The following EXT1 variants were observed in gnomAD, a reference collection of about 807,000 sequenced individuals.
EXT1 encodes exostosin-1.
In EXT1, 20 loss-of-function variants were observed where a neutral mutation model predicts 82.5. The observed-to-expected ratio is 0.24, with a 90% CI of 0.17 to 0.35. EXT1 has a LOEUF of 0.35. Ranked by LOEUF, EXT1 falls within the 10% of genes least tolerant of loss-of-function variation. The pLI is 1.00. For synonymous variants in EXT1, 348 were observed against 350.8 expected, an observed-to-expected ratio of 0.99 and a Z score of 0.09; for missense variants, 757 against 936.5, an observed-to-expected ratio of 0.81 and a Z score of 2.50.
chr8:117,899,890 A>G (rs543686220), intron 1 of EXT1, among the ~76,000 whole-genome samples: 4 of 152,318 alleles, frequency 2.6e-5, no homozygotes, highest in South Asian at 2.1e-4. Flanking sequence ...CCGTGTGCTC[A>G]TAAGAGTGGA....
In EXT1 at chr8:117,913,082, G is replaced by GGT. The variant is rs537703628; in HGVS notation, c.963-75883_963-75882dup. Among the ~76,000 whole-genome samples, 931 of 152,192 alleles carry GGT rather than the reference G, an allele frequency of 6.1e-3. 3 individuals carry two copies. The highest frequency in any genetic ancestry group is 0.01 in the African/African-American group (430 of 41,534). The stretch of plus-strand genomic sequence containing the variant: ...CTAATAAAAATACAAAAATTAGCTG[G>GGT]GTGGTCGCGTGTACCTGTAATTTCA... On this transcript the variant is annotated intron_variant, in intron 1 of 10. Transcript: ENST00000378204.
chr8:117,814,394 T>C (rs982335324), intron 7 of EXT1, among the ~76,000 whole-genome samples: 5 of 152,140 alleles, frequency 3.3e-5, no homozygotes, highest in Non-Finnish European at 5.9e-5. Flanking sequence ...GCTGACACCA[T>C]AAGAATAACA....
At chr8:118,058,376 A>G (rs2129937608) in intron 1 of EXT1, among the ~76,000 whole-genome samples, 1 of 152,290 alleles carries the variant, frequency 6.6e-6, no homozygotes, top group East Asian at 1.9e-4. Context: ...AGAGTGCAAA[A>G]TTACAAGTAT....
At chr8:117,937,903 A>G (rs1013716221) in intron 1 of EXT1, among the ~76,000 whole-genome samples, 3 of 152,206 alleles carry the variant, frequency 2.0e-5, no homozygotes, top group East Asian at 1.9e-4. Context: ...AAAGCACTCT[A>G]TTGGAGCACT....
At chr8:118,076,808 G>A (rs1297408129) in intron 1 of EXT1, among the ~76,000 whole-genome samples, 2 of 152,178 alleles carry the variant, frequency 1.3e-5, no homozygotes, top group Non-Finnish European at 2.9e-5. Flanking sequence ...GCAACTGGAT[G>A]AAAATTATAC....
intron 1 of EXT1, among the ~76,000 whole-genome samples, chr8:118,061,118 C>G (rs933212617): frequency 1.3e-5 from 2 of 152,192 alleles, no homozygotes; most frequent in Admixed American, 6.5e-5. Context: ...TCTCCCTGTA[C>G]TGGTTTTCTC....
At chr8:118,102,851 T>C (rs1563657039) in intron 1 of EXT1, among the ~76,000 whole-genome samples, 1 of 152,348 alleles carries the variant, frequency 6.6e-6, no homozygotes, top group African/African-American at 2.4e-5. Flanking sequence ...TTGCTTTCTT[T>C]CTTTCTTTGA....
At chr8:117,822,351 T>A in intron 5 of EXT1, 114 bp downstream of exon 5, 2 of 1,182,596 alleles carry the variant, frequency 1.7e-6, no homozygotes, top group South Asian at 2.5e-5. Context: ...GAAAAAGCAA[T>A]CTTCAATGCA....
intron 1 of EXT1, among the ~76,000 whole-genome samples, chr8:117,954,325 A>G (rs1185566393): frequency 6.6e-6 from 1 of 152,186 alleles, no homozygotes; most frequent in Non-Finnish European, 1.5e-5. Context: ...TGCTCCTAAG[A>G]GGAGACCCAA....
chr8:118,100,701 G>A (rs1175349782), intron 1 of EXT1, among the ~76,000 whole-genome samples: 2 of 151,786 alleles, frequency 1.3e-5, no homozygotes, highest in South Asian at 2.1e-4. Flanking sequence ...AGCTGAGATC[G>A]CGCCACTGCA....
At chr8:117,928,931 A>G (rs1163356604) in intron 1 of EXT1, among the ~76,000 whole-genome samples, 1 of 152,182 alleles carries the variant, frequency 6.6e-6, no homozygotes, top group East Asian at 1.9e-4. Flanking sequence ...TAAAACAAAC[A>G]ACCCAAAAGC....
chr8:117,970,110 C>A (rs1453584641), intron 1 of EXT1, among the ~76,000 whole-genome samples: 2 of 152,182 alleles, frequency 1.3e-5, no homozygotes, highest in Admixed American at 6.5e-5. Context: ...AATTCATGAA[C>A]TGCCAGCCTG....
At chr8:117,850,403 T>A (rs1157925265) in intron 1 of EXT1, among the ~76,000 whole-genome samples, 1 of 152,204 alleles carries the variant, frequency 6.6e-6, no homozygotes, top group Non-Finnish European at 1.5e-5. Context: ...ATAATCTTTA[T>A]GGAAAGTTAA....
At chr8:117,949,962 C>T (rs1294944725) in intron 1 of EXT1, among the ~76,000 whole-genome samples, 6 of 152,192 alleles carry the variant, frequency 3.9e-5, no homozygotes, top group African/African-American at 9.6e-5. Flanking sequence ...TGGTGACTCA[C>T]GCCTGTAATC....
At chr8:117,889,785 C>A (rs1313733788) in intron 1 of EXT1, among the ~76,000 whole-genome samples, 1 of 151,110 alleles carries the variant, frequency 6.6e-6, no homozygotes, top group Non-Finnish European at 1.5e-5. Context: ...AAGCAATGTG[C>A]CAAAGTTATA....
At chr8:118,099,328 G>A (rs1305117831) in intron 1 of EXT1, among the ~76,000 whole-genome samples, 3 of 152,180 alleles carry the variant, frequency 2.0e-5, no homozygotes, top group Admixed American at 6.5e-5. Context: ...TGGGTTACCA[G>A]CTGTCCTTTC....
chr8:117,992,388 C>G (rs1198677380), intron 1 of EXT1, among the ~76,000 whole-genome samples: 3 of 131,446 alleles, frequency 2.3e-5, no homozygotes, highest in Non-Finnish European at 4.7e-5. Context: ...TTAGGGAGAG[C>G]AAATATTTGT....
At chr8:117,936,662 G>A (rs1402014053) in intron 1 of EXT1, among the ~76,000 whole-genome samples, 1 of 152,138 alleles carries the variant, frequency 6.6e-6, no homozygotes, top group Non-Finnish European at 1.5e-5. Flanking sequence ...ATCACCTGAG[G>A]GCAGGATTTT....
intron 1 of EXT1, among the ~76,000 whole-genome samples, chr8:118,093,268 C>CAAAAAAAAAAAAAAAAAAAAAAAAAA (rs10594150): frequency 1.5e-5 from 1 of 66,784 alleles, no homozygotes; most frequent in African/African-American, 6.3e-5. Context: ...AAATTCCCAG[C>CAAAAAAAAAAAAAAAAAAAAAAAAAA]AAAAAAAAAA....
Sources: gnomAD v4.1 joint callset for allele counts (sites outside exome capture counted in the v4.1 genomes callset) on GRCh38, gnomAD v4.1.1 for gene constraint, MANE v1.5 for transcripts, NCBI Gene and HGNC (gene_info 2026-07-23, HGNC 2026-07-21) for gene names.